Variants in SATB2 observed in about 807,000 individuals in gnomAD.
SATB2 encodes SATB homeobox 2, also known as DNA-binding protein SATB2.
SATB2 carries 1 observed loss-of-function variant against 73.4 expected under a neutral mutation model. That is an observed-to-expected ratio of 0.01 (90% confidence interval 0.00 to 0.06). SATB2 has a LOEUF of 0.06. Among genes scored for constraint, SATB2 ranks in the 10% least tolerant of loss-of-function variants. The pLI, the probability that SATB2 is intolerant of heterozygous loss-of-function variation, is 1.00. For synonymous variants in SATB2, 397 were observed against 367.0 expected, an observed-to-expected ratio of 1.08 and a Z score of -0.93; for missense variants, 459 against 945.8, an observed-to-expected ratio of 0.49 and a Z score of 6.75.
At chr2:199,379,205 G>A (rs941216459) in intron 5 of SATB2, among the ~76,000 whole-genome samples, 8 of 152,124 alleles carry the variant, frequency 5.3e-5, no homozygotes, top group African/African-American at 1.9e-4. Flanking sequence ...AACACAAATG[G>A]AAAAGGCAGC....
At chr2:199,410,332 G>C (rs1690774559) in intron 3 of SATB2, among the ~76,000 whole-genome samples, 1 of 152,194 alleles carries the variant, frequency 6.6e-6, no homozygotes, top group Non-Finnish European at 1.5e-5. Context: ...TAAATTCTGT[G>C]TGCTAAATTC....
intron 2 of SATB2, among the ~76,000 whole-genome samples, chr2:199,439,156 G>A (rs567636280): frequency 3.9e-5 from 6 of 152,222 alleles, no homozygotes; most frequent in African/African-American, 1.2e-4. Flanking sequence ...CTGCCCTTCC[G>A]TTATTCACAG....
At chr2:199,315,838 T>G (rs549466838) in intron 9 of SATB2, among the ~76,000 whole-genome samples, 19 of 152,144 alleles carry the variant, frequency 1.2e-4, no homozygotes, top group African/African-American at 4.6e-4. Context: ...TTGATATGAC[T>G]AACACAAAGC....
chr2:199,396,941 A>T (rs541245498), intron 3 of SATB2: 1 of 152,322 alleles, frequency 6.6e-6, no homozygotes, highest in Admixed American at 6.5e-5. Flanking sequence ...GCTAGTGCAT[A>T]CATTTTCCTT....
At chr2:199,447,633 T>C (rs1273824331) in intron 2 of SATB2, among the ~76,000 whole-genome samples, 1 of 152,168 alleles carries the variant, frequency 6.6e-6, no homozygotes, top group Non-Finnish European at 1.5e-5. Context: ...AAATGGGATT[T>C]TCCTGGTCAA....
At chr2:199,341,403 C>G (rs900314992) in intron 7 of SATB2, among the ~76,000 whole-genome samples, 4 of 152,338 alleles carry the variant, frequency 2.6e-5, no homozygotes, top group Admixed American at 6.5e-5. Context: ...CAAAGCCACT[C>G]TCAAAGCCAC....
chr2:199,337,583 G>A (rs528645520), intron 7 of SATB2, among the ~76,000 whole-genome samples: 1 of 152,258 alleles, frequency 6.6e-6, no homozygotes, highest in South Asian at 2.1e-4. Context: ...GATATAGCTA[G>A]AGACAGACAT....
rs1166641180 is a variant in SATB2 at position 199,335,008 on chromosome 2, G to A, written c.1174-6098C>T. ...TGAATCTGGCTGCTGAAATTCATTT[G>A]TGTAATGCTAAAAATACTCACCCCA... On this transcript the variant is annotated intron_variant, in intron 7 of 10. Coordinates refer to ENST00000417098, the MANE Select transcript of SATB2 (RefSeq NM_001172509.2). Among the ~76,000 whole-genome samples, 12 of 152,074 alleles carry A rather than the reference G, an allele frequency of 7.9e-5. No individual in the cohort carries two copies. In the East Asian group the frequency reaches 2.3e-3, roughly 29 times the overall value.
At chr2:199,300,955 G>T (rs528148803) in intron 10 of SATB2, among the ~76,000 whole-genome samples, 1 of 151,940 alleles carries the variant, frequency 6.6e-6, no homozygotes, top group South Asian at 2.1e-4. Flanking sequence ...CATAGGAGGA[G>T]TTCTGCTTGG....
rs372830951 is a variant in SATB2, at chr2:199,323,508, C to CACACACACATAT, written c.1542+294_1542+295insATATGTGTGTGT. Reference sequence around the variant, plus strand: ...ACACACACACACACACACACACACACATATATAAAGGGAGAGAAACAAAAG... The same window carrying CACACACACATAT: ...ACACACACACACACACACACACACACACACACACATATATATATAAAGGGAGAGAAACAAAAG... On this transcript the variant is annotated intron_variant, in intron 9 of 10. Coordinates refer to ENST00000417098, the MANE Select transcript of SATB2 (RefSeq NM_001172509.2). Among the ~76,000 whole-genome samples, 10,738 of 144,200 alleles carry CACACACACATAT rather than the reference C, an allele frequency of 0.074. 529 individuals carry two copies. The highest frequency in any genetic ancestry group is 0.2 in the South Asian group (883 of 4,332). 94.6% of individuals were successfully genotyped at this position (144,200 alleles called of 152,430 possible). A position where few individuals can be genotyped will look rare whatever the true frequency, so the allele number is the denominator to read the frequency against.
chr2:199,343,725 G>A (rs937860979), intron 7 of SATB2, among the ~76,000 whole-genome samples: 1 of 152,138 alleles, frequency 6.6e-6, no homozygotes, highest in African/African-American at 2.4e-5. Context: ...ATTTTAAAAG[G>A]AAATACTCAT....
intron 3 of SATB2, among the ~76,000 whole-genome samples, chr2:199,403,781 A>G (rs1690552145): frequency 6.6e-6 from 1 of 152,216 alleles, no homozygotes; most frequent in Non-Finnish European, 1.5e-5. Context: ...GAAAGCCTTG[A>G]TATTCAAAGT....
intron 10 of SATB2, among the ~76,000 whole-genome samples, chr2:199,278,497 C>A (rs1477023247): frequency 6.6e-6 from 1 of 152,194 alleles, no homozygotes; most frequent in Non-Finnish European, 1.5e-5. Flanking sequence ...TAGTACCATG[C>A]TCCAGCAAAA....
intron 3 of SATB2, among the ~76,000 whole-genome samples, chr2:199,420,042 C>G (rs2105912722): frequency 6.6e-6 from 1 of 152,214 alleles, no homozygotes; most frequent in East Asian, 1.9e-4. Context: ...CTTAATCATG[C>G]CCTAGAGAGG....
At chr2:199,338,143 C>T (rs1168746171) in intron 7 of SATB2, among the ~76,000 whole-genome samples, 2 of 151,704 alleles carry the variant, frequency 1.3e-5, no homozygotes, top group East Asian at 3.9e-4. Context: ...GCAGGCAGAT[C>T]ATTTGAGGTC....
At chr2:199,428,629 T>G (rs911988291) in intron 3 of SATB2, among the ~76,000 whole-genome samples, 1 of 152,218 alleles carries the variant, frequency 6.6e-6, no homozygotes, top group Non-Finnish European at 1.5e-5. Context: ...AATGTATAAC[T>G]TACTTCAAAA....
intron 10 of SATB2, among the ~76,000 whole-genome samples, chr2:199,285,515 A>G (rs1004460396): frequency 2.0e-5 from 3 of 152,104 alleles, no homozygotes; most frequent in African/African-American, 4.8e-5. Context: ...TTAAAAAACC[A>G]TGGTTTAGCT....
intron 10 of SATB2, among the ~76,000 whole-genome samples, chr2:199,299,529 G>A (rs6704641): frequency 0.73 from 111,062 of 152,084 alleles, 41,896 homozygotes; most frequent in South Asian, 0.86. Context: ...CTAATTTACA[G>A]TCTGAATTTT....
At chr2:199,461,955 G>T (rs1692485022), upstream of SATB2, among the ~76,000 whole-genome samples, 1 of 152,172 alleles carries the variant, frequency 6.6e-6, no homozygotes, top group African/African-American at 2.4e-5. Context: ...GGCCCGCTCC[G>T]GACAGCGTAG....
Sources: allele counts gnomAD v4.1 joint callset (sites outside exome capture counted in the v4.1 genomes callset), GRCh38; gene constraint gnomAD v4.1.1; transcripts MANE v1.5; gene names NCBI Gene and HGNC (gene_info 2026-07-23, HGNC 2026-07-21).